The following HCRTR2 variants were observed in gnomAD, a reference collection of about 807,000 sequenced individuals.
HCRTR2 encodes hypocretin receptor 2, also known as orexin receptor type 2.
In HCRTR2, 22 loss-of-function variants were observed where a neutral mutation model predicts 49.0. The ratio of observed to expected loss-of-function variants is 0.45; its 90% CI spans 0.32 to 0.64. HCRTR2 has a LOEUF of 0.64. HCRTR2 is among the 30% of genes least tolerant of loss of function. The pLI is 0.04. For missense variants in HCRTR2, 491 were observed against 559.4 expected (o/e 0.88, Z 1.23); for synonymous variants, 236 against 205.3 (o/e 1.15, Z -1.28).
intron 1 of HCRTR2, among the ~76,000 whole-genome samples, chr6:55,226,388 A>C (rs943889568): frequency 6.6e-6 from 1 of 152,172 alleles, no homozygotes; most frequent in Non-Finnish European, 1.5e-5. Context: ...AGCTCACTGC[A>C]ACCTCCGACT....
chr6:55,221,191 GA>G lies in HCRTR2; in HGVS notation c.224-27440del, dbSNP rs1369336363. ...TATGATGTCATTTTTTTCAGAAATA[GA>G]AAAAAAATCTGAGAACCATGGATAC... On this transcript the variant is annotated intron_variant, in intron 1 of 6. Coordinates refer to ENST00000370862, the MANE Select transcript of HCRTR2 (RefSeq NM_001384272.1). Among the ~76,000 whole-genome samples the G allele has an allele frequency of 4.0e-5, 6 of 151,650 alleles. No individual in the cohort carries two copies. In the East Asian group the frequency reaches 5.8e-4, roughly 15 times the overall value.
At chr6:55,187,793 G>C (rs768031906) in intron 1 of HCRTR2, among the ~76,000 whole-genome samples, 53 of 146,984 alleles carry the variant, frequency 3.6e-4, no homozygotes, top group Non-Finnish European at 7.0e-4. Flanking sequence ...TTTCATTCCT[G>C]AGTTGTGAGT....
At chr6:55,180,768 T>C (rs1444399396) in intron 1 of HCRTR2, among the ~76,000 whole-genome samples, 1 of 152,150 alleles carries the variant, frequency 6.6e-6, no homozygotes, top group Non-Finnish European at 1.5e-5. Flanking sequence ...ACAAATCATG[T>C]TGCTATTGAT....
downstream of HCRTR2, chr6:55,282,640 A>G (rs913168946): frequency 6.7e-6 from 4 of 595,732 alleles, no homozygotes; most frequent in African/African-American, 7.5e-5. Context: ...TTTTGATTTA[A>G]ATATGTTAGA....
At chr6:55,232,663 G>A (rs1766137942) in intron 1 of HCRTR2, among the ~76,000 whole-genome samples, 1 of 152,158 alleles carries the variant, frequency 6.6e-6, no homozygotes, top group East Asian at 1.9e-4. Flanking sequence ...ACTTTATTAA[G>A]TTTTATTTGG....
chr6:55,143,130 T>TTTTTTTTTTTTTTTTTTTTTTTGAGACGG (rs1554167809), intron 1 of HCRTR2, among the ~76,000 whole-genome samples: 1 of 149,772 alleles, frequency 6.7e-6, no homozygotes, highest in African/African-American at 2.5e-5. Context: ...AAATATTTTT[T>TTTTTTTTTTTTTTTTTTTTTTTGAGACGG]AAGTTAATAG....
chr6:55,212,441 T>A (rs1214373731), intron 1 of HCRTR2, among the ~76,000 whole-genome samples: 4 of 152,186 alleles, frequency 2.6e-5, no homozygotes, highest in Admixed American at 6.6e-5. Context: ...GTGATTGGTA[T>A]GGAAGTGGAC....
intron 1 of HCRTR2, among the ~76,000 whole-genome samples, chr6:55,203,399 C>T (rs1161162872): frequency 6.6e-6 from 1 of 152,032 alleles, no homozygotes; most frequent in Admixed American, 6.6e-5. Flanking sequence ...ATACTGTCGG[C>T]CTACCTGTGC....
intron 1 of HCRTR2, among the ~76,000 whole-genome samples, chr6:55,246,210 A>G (rs1766440558): frequency 6.6e-6 from 1 of 152,076 alleles, no homozygotes; most frequent in South Asian, 2.1e-4. Flanking sequence ...GAACTGTGAG[A>G]CAATAAGTTT....
At chr6:55,207,501 G>A (rs1188975533) in intron 1 of HCRTR2, among the ~76,000 whole-genome samples, 1 of 152,104 alleles carries the variant, frequency 6.6e-6, no homozygotes, top group Admixed American at 6.5e-5. Context: ...TAAATCTAAA[G>A]ATTCCATTAG....
chr6:55,220,600 T>G (rs1009255829), intron 1 of HCRTR2, among the ~76,000 whole-genome samples: 2 of 152,066 alleles, frequency 1.3e-5, no homozygotes, highest in African/African-American at 2.4e-5. Flanking sequence ...ACAGATAACA[T>G]CATACTCAAT....
chr6:55,126,333 A>G (rs1033102314), intron 1 of HCRTR2, among the ~76,000 whole-genome samples: 1 of 151,824 alleles, frequency 6.6e-6, no homozygotes, highest in African/African-American at 2.4e-5. Flanking sequence ...TCTGTTTGTT[A>G]GTTTTCCTTC....
downstream of HCRTR2, among the ~76,000 whole-genome samples, chr6:55,284,655 T>C (rs1767252892): frequency 6.6e-6 from 1 of 151,814 alleles, no homozygotes; most frequent in Non-Finnish European, 1.5e-5. Flanking sequence ...TGACTCTCAC[T>C]CATGTCATCT....
Position 55,263,712 on chromosome 6 carries a change from A to G in HCRTR2, c.652A>G (p.Ile218Val). Residue 218 changes from isoleucine (I) to valine (V), a missense_variant, in exon 4 of 7, where the codon ATT becomes GTT. By Grantham distance (29) the Ile-to-Val change is conservative. Transcript: ENST00000370862. The part of the protein sequence containing the change: ...TVCDERWGGE[I>V]YPKMYHICFF... ...TGTTTTGACTTTCATCCTAGGTGAAATTTATCCCAAGATGTACCACATCTG... is the reference window on the plus strand; with the variant it reads ...TGTTTTGACTTTCATCCTAGGTGAAGTTTATCCCAAGATGTACCACATCTG... The G allele has an allele frequency of 6.3e-7, 1 of 1,595,378 alleles. No individual in the cohort carries two copies. Among genetic ancestry groups the G allele is most frequent in the Non-Finnish European group, 8.6e-7 (1 of 1,164,030 alleles).
intron 1 of HCRTR2, among the ~76,000 whole-genome samples, chr6:55,225,741 T>C (rs149267306): frequency 4.1e-4 from 63 of 152,356 alleles, no homozygotes; most frequent in African/African-American, 1.5e-3. Context: ...TTTTTAAAAT[T>C]ACTGTAATCA....
upstream of HCRTR2, among the ~76,000 whole-genome samples, chr6:55,169,859 G>C (rs1381913284): frequency 1.3e-5 from 2 of 152,076 alleles, no homozygotes. Context: ...GGCTAGACTA[G>C]TCTTATTAAT....
chr6:55,239,726 C>A (rs9396070), intron 1 of HCRTR2, among the ~76,000 whole-genome samples: 27,430 of 151,450 alleles, frequency 0.18, 2,862 homozygotes, highest in Non-Finnish European at 0.24. Flanking sequence ...GGAAATAAAA[C>A]CCGAAACACA....
rs1307136941 is a variant in HCRTR2, at chr6:55,163,186, A to G, written c.-377-11025A>G. Among the ~76,000 whole-genome samples, 3 of 152,046 alleles carry G rather than the reference A, an allele frequency of 2.0e-5. No individual in the cohort carries two copies. In the East Asian group the frequency reaches 5.8e-4, roughly 29 times the overall value. On this transcript the variant is annotated intron_variant, in intron 1 of 7. Coordinates refer to the HCRTR2 transcript ENST00000615358. ...CAGGAGACGGAGCTTGCAATGAGCC[A>G]AGATCCTGTCACTGCACTCCAGCCT... is the stretch of plus-strand genomic sequence containing the variant.
intron 1 of HCRTR2, among the ~76,000 whole-genome samples, chr6:55,130,841 T>A (rs576601367): frequency 6.6e-6 from 1 of 152,024 alleles, no homozygotes; most frequent in South Asian, 2.1e-4. Flanking sequence ...ACTGTTTTAA[T>A]ATCAGGTCAA....
Sources: gnomAD v4.1 joint callset for allele counts (sites outside exome capture counted in the v4.1 genomes callset) on GRCh38, gnomAD v4.1.1 for gene constraint, MANE v1.5 for transcripts, NCBI Gene and HGNC (gene_info 2026-07-23, HGNC 2026-07-21) for gene names.